ARB2A: variants seen among roughly 807,000 people sequenced by gnomAD.
ARB2A encodes the protein cotranscriptional regulator ARB2A.
chr5:94,002,462 T>C, the ARB2A span, among the ~76,000 whole-genome samples: 14 of 151,940 alleles, frequency 9.2e-5, no homozygotes, highest in Admixed American at 3.3e-4. Context: ...TTTTTTTTTA[T>C]GCCAGCACTC....
At chr5:93,700,345 T>C in the ARB2A span, among the ~76,000 whole-genome samples, 1 of 152,150 alleles carries the variant, frequency 6.6e-6, no homozygotes, top group East Asian at 1.9e-4. Context: ...CAGAATATCC[T>C]AACAGCTTAA....
the ARB2A span, among the ~76,000 whole-genome samples, chr5:93,758,649 G>A: frequency 6.6e-6 from 1 of 151,968 alleles, no homozygotes; most frequent in African/African-American, 2.4e-5. Flanking sequence ...ATGAACATTG[G>A]GTCAAAAACA....
At chr5:93,804,524 G>T in the ARB2A span, among the ~76,000 whole-genome samples, 1 of 151,742 alleles carries the variant, frequency 6.6e-6, no homozygotes, top group Non-Finnish European at 1.5e-5. Context: ...ATTAAAAGTT[G>T]TAAAGAAAAA....
chr5:94,012,346 G>C, the ARB2A span, among the ~76,000 whole-genome samples: 1 of 152,236 alleles, frequency 6.6e-6, no homozygotes, highest in African/African-American at 2.4e-5. Context: ...GGCTTGCAGT[G>C]AGCAGAAATC....
the ARB2A span, among the ~76,000 whole-genome samples, chr5:93,775,857 C>T: frequency 2.0e-5 from 3 of 152,160 alleles, no homozygotes; most frequent in African/African-American, 4.8e-5. Flanking sequence ...TATGTCTGCC[C>T]AATCCTTGTT....
chr5:94,045,990 T>C, the ARB2A span, among the ~76,000 whole-genome samples: 1 of 152,000 alleles, frequency 6.6e-6, no homozygotes, highest in African/African-American at 2.4e-5. Flanking sequence ...GAAGGCTTCC[T>C]AAAGGAGGAG....
chr5:93,803,981 G>T, the ARB2A span, among the ~76,000 whole-genome samples: 1 of 152,002 alleles, frequency 6.6e-6, no homozygotes, highest in Non-Finnish European at 1.5e-5. Context: ...TTCCTACAAG[G>T]TCAAAAGAAA....
the ARB2A span, among the ~76,000 whole-genome samples, chr5:93,793,433 T>G: frequency 1.3e-5 from 2 of 151,810 alleles, no homozygotes. Flanking sequence ...TATTTGTACA[T>G]AATATCCTGT....
chr5:93,962,293 T>C, the ARB2A span, among the ~76,000 whole-genome samples: 53 of 152,184 alleles, frequency 3.5e-4, 1 homozygote, highest in African/African-American at 1.3e-3. Context: ...ATGATGCATG[T>C]AATAAACTAC....
chr5:93,780,556 C>T, the ARB2A span, among the ~76,000 whole-genome samples: 3 of 151,820 alleles, frequency 2.0e-5, no homozygotes, highest in African/African-American at 7.3e-5. Context: ...CCCTCCCCTC[C>T]CTCTCTTTCT....
At chr5:93,777,259 GTAAC>G in the ARB2A span, among the ~76,000 whole-genome samples, 5 of 151,928 alleles carry the variant, frequency 3.3e-5, no homozygotes, top group South Asian at 1.0e-3. Context: ...GTATACATAT[GTAAC>G]TAACCTGCAC....
chr5:94,088,541 T>C, the ARB2A span, among the ~76,000 whole-genome samples: 1 of 151,974 alleles, frequency 6.6e-6, no homozygotes, highest in Non-Finnish European at 1.5e-5. Flanking sequence ...ATTAGCCAGA[T>C]GCATTGGCAT....
At chr5:93,797,683 C>T in the ARB2A span, among the ~76,000 whole-genome samples, 14 of 152,076 alleles carry the variant, frequency 9.2e-5, no homozygotes, top group African/African-American at 3.1e-4. Context: ...GACAGTACTA[C>T]AGACTGCAAT....
At chr5:93,909,683 T>C in the ARB2A span, among the ~76,000 whole-genome samples, 1 of 150,988 alleles carries the variant, frequency 6.6e-6, no homozygotes, top group Non-Finnish European at 1.5e-5. Flanking sequence ...AATAATCCTC[T>C]TGAAAAAAAT....
the ARB2A span, among the ~76,000 whole-genome samples, chr5:93,819,354 G>C: frequency 2.6e-5 from 4 of 152,070 alleles, no homozygotes; most frequent in African/African-American, 9.7e-5. Context: ...GGCAAAATGA[G>C]ATTGGACATA....
chr5:94,030,260 C>T, the ARB2A span, among the ~76,000 whole-genome samples: 2 of 152,322 alleles, frequency 1.3e-5, no homozygotes, highest in African/African-American at 4.8e-5. Flanking sequence ...GTTGATTCCA[C>T]TGGTTTCTCT....
At chr5:93,812,919 G>T in the ARB2A span, among the ~76,000 whole-genome samples, 2 of 152,162 alleles carry the variant, frequency 1.3e-5, no homozygotes, top group Non-Finnish European at 2.9e-5. Flanking sequence ...TTTAGAAGAG[G>T]CCATGAGGAT....
the ARB2A span, among the ~76,000 whole-genome samples, chr5:93,907,380 C>T: frequency 4.0e-5 from 6 of 151,418 alleles, no homozygotes; most frequent in Non-Finnish European, 7.4e-5. Flanking sequence ...ATCAATTATG[C>T]TCAAGGATTC....
chr5:94,069,082 A>ATAGG, the ARB2A span, among the ~76,000 whole-genome samples: 1 of 152,048 alleles, frequency 6.6e-6, no homozygotes, highest in East Asian at 1.9e-4. Context: ...AGATAGATAG[A>ATAGG]TAGATAGACT....
Sources: allele counts gnomAD v4.1 joint callset (sites outside exome capture counted in the v4.1 genomes callset), GRCh38; gene constraint gnomAD v4.1.1; transcripts MANE v1.5; gene names NCBI Gene and HGNC (gene_info 2026-07-23, HGNC 2026-07-21).